FGGY: variants seen among roughly 807,000 people sequenced by gnomAD.
The protein encoded by FGGY is FGGY carbohydrate kinase domain containing.
A neutral mutation model predicts 71.3 loss-of-function variants in FGGY; 72 were observed. The ratio of observed to expected loss-of-function variants is 1.01; its 90% CI spans 0.84 to 1.23. The LOEUF (loss-of-function observed/expected upper bound fraction) is 1.23, where lower values mean the gene tolerates loss of function less well. Ranked by LOEUF, FGGY falls within the 50% of genes most tolerant of loss-of-function variation. The pLI, the probability that FGGY is intolerant of heterozygous loss-of-function variation, is 0.00. For missense variants in FGGY, 668 were observed against 682.3 expected (o/e 0.98, Z 0.23); for synonymous variants, 251 against 250.3 (o/e 1.00, Z -0.02).
intron 6 of FGGY, among the ~76,000 whole-genome samples, chr1:59,494,922 C>T (rs527243639): frequency 2.8e-4 from 43 of 152,236 alleles, no homozygotes; most frequent in African/African-American, 9.6e-4. Flanking sequence ...TTTGAGAAAT[C>T]ACCAAAGTGC....
chr1:59,590,123 A>C (rs1337412743), intron 8 of FGGY, among the ~76,000 whole-genome samples: 1 of 152,240 alleles, frequency 6.6e-6, no homozygotes, highest in East Asian at 1.9e-4. Flanking sequence ...CTGACCCCAC[A>C]GAAATACAAA....
intron 2 of FGGY, among the ~76,000 whole-genome samples, chr1:59,323,003 C>T (rs1211454165): frequency 6.6e-6 from 1 of 151,988 alleles, no homozygotes; most frequent in East Asian, 1.9e-4. Flanking sequence ...TTAGTGCCCC[C>T]GGAGAAGAAG....
At chr1:59,483,592 C>A (rs1252936195) in intron 6 of FGGY, among the ~76,000 whole-genome samples, 2 of 152,044 alleles carry the variant, frequency 1.3e-5, no homozygotes, top group Non-Finnish European at 2.9e-5. Context: ...CTGTTCTTAG[C>A]TTTTTGAGGT....
At position 59,504,410 on chromosome 1, in the gene FGGY, G is replaced by A. The variant is rs777091828; in HGVS notation, c.671-7901G>A. On this transcript the variant is annotated intron_variant, in intron 6 of 15. Coordinates refer to ENST00000303721, the MANE Select transcript of FGGY (RefSeq NM_018291.5). ...TGGACTTGCCACTGGTGTCTGGTGC[G>A]TGGGGTTGGGGGCATTCTTGGGGAC... Among the ~76,000 whole-genome samples the A allele has an allele frequency of 2.0e-4, 31 of 152,304 alleles. 1 individual carries two copies. The highest frequency in any genetic ancestry group is 1.4e-4 in the African/African-American group (6 of 41,560).
intron 10 of FGGY, among the ~76,000 whole-genome samples, chr1:59,635,143 A>G (rs912475531): frequency 1.3e-5 from 2 of 152,242 alleles, no homozygotes; most frequent in African/African-American, 4.8e-5. Context: ...GCATCATGCA[A>G]GGTTAAAATT....
At chr1:59,732,646 T>C (rs1216069359) in intron 14 of FGGY, among the ~76,000 whole-genome samples, 2 of 149,400 alleles carry the variant, frequency 1.3e-5, no homozygotes, top group East Asian at 4.0e-4. Context: ...CCAAAGCAGA[T>C]AGAGGAAAGG....
At chr1:59,413,200 A>C (rs534813030) in intron 5 of FGGY, among the ~76,000 whole-genome samples, 79 of 152,350 alleles carry the variant, frequency 5.2e-4, no homozygotes, top group African/African-American at 1.8e-3. Flanking sequence ...CTTTGAGCAC[A>C]GTATTCATTT....
chr1:59,625,954 G>A, intron 9 of FGGY, 34 bp from the exon 10 acceptor site: 1 of 1,531,176 alleles, frequency 6.5e-7, no homozygotes, highest in East Asian at 2.3e-5. Context: ...AATTAAAGAA[G>A]CTATAAAATT....
intron 11 of FGGY, among the ~76,000 whole-genome samples, chr1:59,640,169 C>T (rs891506444): frequency 6.6e-6 from 1 of 152,148 alleles, no homozygotes; most frequent in Non-Finnish European, 1.5e-5. Context: ...CCCTTTATAA[C>T]TGTCCTTGGG....
At chr1:59,734,143 C>A (rs774274282) in intron 14 of FGGY, among the ~76,000 whole-genome samples, 2 of 152,160 alleles carry the variant, frequency 1.3e-5, no homozygotes, top group Non-Finnish European at 2.9e-5. Context: ...TATCAGTTTT[C>A]TTTTCTTTTT....
chr1:59,323,409 G>T (rs963495083), intron 2 of FGGY, among the ~76,000 whole-genome samples: 7 of 152,196 alleles, frequency 4.6e-5, no homozygotes, highest in African/African-American at 1.7e-4. Flanking sequence ...AAACCTAAAT[G>T]AAGCCCTTGG....
At chr1:59,506,210 C>A (rs2094376829) in intron 6 of FGGY, among the ~76,000 whole-genome samples, 1 of 152,140 alleles carries the variant, frequency 6.6e-6, no homozygotes, top group African/African-American at 2.4e-5. Context: ...AAAAGACATA[C>A]AAGGTCATGG....
chr1:59,301,378 A>G (rs940464189), intron 1 of FGGY, among the ~76,000 whole-genome samples: 5 of 152,154 alleles, frequency 3.3e-5, no homozygotes, highest in African/African-American at 1.2e-4. Flanking sequence ...TTTTCTATTT[A>G]GGTGATCCTG....
At chr1:59,388,377 A>G (rs1290239626) in intron 5 of FGGY, among the ~76,000 whole-genome samples, 1 of 152,144 alleles carries the variant, frequency 6.6e-6, no homozygotes, top group African/African-American at 2.4e-5. Flanking sequence ...GATTACATGA[A>G]TTTCCCTTAC....
intron 6 of FGGY, among the ~76,000 whole-genome samples, chr1:59,474,498 C>G (rs980856205): frequency 9.9e-5 from 15 of 152,206 alleles, no homozygotes; most frequent in African/African-American, 3.6e-4. Context: ...TGTGGTGGTT[C>G]TACTCCTTCC....
At chr1:59,653,863 C>T (rs188310727) in intron 11 of FGGY, among the ~76,000 whole-genome samples, 172 of 152,350 alleles carry the variant, frequency 1.1e-3, no homozygotes, top group African/African-American at 3.6e-3. Context: ...TGCTTCATCT[C>T]TCCTGTCTTC....
intron 9 of FGGY, among the ~76,000 whole-genome samples, chr1:59,610,589 T>C (rs375243051): frequency 1.4e-3 from 217 of 152,344 alleles, no homozygotes; most frequent in African/African-American, 5.1e-3. Flanking sequence ...GCATGAGCGA[T>C]GCAGACGACC....
At chr1:59,568,532 G>C (rs375201030) in intron 8 of FGGY, among the ~76,000 whole-genome samples, 1 of 152,140 alleles carries the variant, frequency 6.6e-6, no homozygotes, top group Non-Finnish European at 1.5e-5. Context: ...GCTTGGAGAG[G>C]TCACAGAGCT....
chr1:59,653,694 TG>T (rs1311935725), intron 11 of FGGY, among the ~76,000 whole-genome samples: 2 of 152,210 alleles, frequency 1.3e-5, no homozygotes, highest in East Asian at 3.8e-4. Context: ...CAGATGGAAA[TG>T]CGGAAATCAC....
Sources: allele counts gnomAD v4.1 joint callset (sites outside exome capture counted in the v4.1 genomes callset), GRCh38; gene constraint gnomAD v4.1.1; transcripts MANE v1.5; gene names NCBI Gene and HGNC (gene_info 2026-07-23, HGNC 2026-07-21).